The following SMG1 variants were observed in gnomAD, a reference collection of about 807,000 sequenced individuals.
SMG1 encodes the protein serine/threonine-protein kinase SMG1.
A neutral mutation model predicts 419.9 loss-of-function variants in SMG1; 22 were observed. The observed-to-expected ratio is 0.05, with a 90% CI of 0.04 to 0.07. SMG1 has a LOEUF of 0.07. Among genes scored for constraint, SMG1 ranks in the 10% least tolerant of loss-of-function variants. SMG1 has a pLI of 1.00. For missense variants in SMG1, 3,185 were observed against 4,342.0 expected (o/e 0.73, Z 7.49); for synonymous variants, 1,538 against 1,553.5 (o/e 0.99, Z 0.23).
rs1007528333 is a variant in SMG1, at chr16:18,808,378, CTAAGTG to C, written c.*1185_*1190del. The C allele has an allele frequency of 5.3e-5, 8 of 152,002 alleles. No homozygotes were observed. The highest frequency in any genetic ancestry group is 3.3e-4 in the Admixed American group (5 of 15,264). 9.4% of individuals were successfully genotyped at this position (152,002 alleles called of 1,614,324 possible). ...AGTAAATTAAACAACTTTTAATTTA[CTAAGTG>C]TAAATTAAAAGTATCAAATGAAAAA... On this transcript the variant is annotated 3_prime_UTR_variant, in exon 63 of 63. Transcript: ENST00000446231.
At chr16:18,917,434 C>T (rs1230329361) in intron 1 of SMG1, among the ~76,000 whole-genome samples, 1 of 151,942 alleles carries the variant, frequency 6.6e-6, no homozygotes, top group Admixed American at 6.6e-5. Flanking sequence ...CAGGTATGAG[C>T]CACCATACAT....
At chr16:18,829,239 A>G (rs774031887) in intron 54 of SMG1, 47 bp downstream of exon 54, 3 of 1,469,304 alleles carry the variant, frequency 2.0e-6, no homozygotes, top group Non-Finnish European at 1.8e-6. Flanking sequence ...CCCATTTTTC[A>G]AGTTTCCTAC....
chr16:18,871,342 A>AG, intron 16 of SMG1, 22 bp downstream of exon 16: 3 of 1,248,300 alleles, frequency 2.4e-6, no homozygotes, highest in South Asian at 1.4e-5. Context: ...AAATAGAAAA[A>AG]AAAAAAAAAA....
chr16:18,877,340 T>C (rs2036182637), intron 11 of SMG1, 108 bp from the exon 12 acceptor site: 3 of 740,268 alleles, frequency 4.1e-6, no homozygotes, highest in Admixed American at 5.6e-5. Context: ...AAAGGCTACA[T>C]ACTATATGAC....
At chr16:18,828,238 G>C in intron 54 of SMG1, 70 bp from the exon 55 acceptor site, 110 of 1,469,772 alleles carry the variant, frequency 7.5e-5, no homozygotes, top group Non-Finnish European at 9.7e-5. Context: ...GGGAAGGGAG[G>C]CGCAACCTAG....
At chr16:18,866,927 A>G (rs968464411) in intron 22 of SMG1, among the ~76,000 whole-genome samples, 152 bp from the exon 23 acceptor site, 20 of 152,178 alleles carry the variant, frequency 1.3e-4, no homozygotes, top group African/African-American at 4.6e-4. Context: ...AGAATTCTTT[A>G]AAATGTTACA....
At chr16:18,908,089 G>A (rs2037641546) in intron 1 of SMG1, among the ~76,000 whole-genome samples, 1 of 152,004 alleles carries the variant, frequency 6.6e-6, no homozygotes, top group Non-Finnish European at 1.5e-5. Context: ...ACATAGGCCA[G>A]GCGCAGTTGA....
intron 62 of SMG1, among the ~76,000 whole-genome samples, chr16:18,810,467 G>T (rs2031279603): frequency 6.6e-6 from 1 of 152,180 alleles, no homozygotes; most frequent in African/African-American, 2.4e-5. Context: ...AGTAGGACAA[G>T]GATGGACAGT....
rs773568225 is a variant in SMG1, at chr16:18,829,745, T to C, written c.9144A>G (p.Ser3048=). ...TFSKTLSGSS[S]LEDQNTVNGP... ...CATTCACAGTATTCTGATCTTCAAGTGAACTTGATCCTACAAAAAGGAAAA... is the reference window on the plus strand; with the variant it reads ...CATTCACAGTATTCTGATCTTCAAGCGAACTTGATCCTACAAAAAGGAAAA... The change falls in exon 54 of 63, where the codon TCA becomes TCG. Residue 3048 remains serine (S), a synonymous_variant. Coordinates refer to ENST00000446231, the MANE Select transcript of SMG1 (RefSeq NM_015092.5). 11 of 1,595,760 alleles carry C rather than the reference T, an allele frequency of 6.9e-6. No individual in the cohort carries two copies. The African/African-American group carries it at 1.5e-4, about 21-fold the overall frequency.
intron 18 of SMG1, among the ~76,000 whole-genome samples, chr16:18,870,400 T>C (rs558464307): frequency 5.9e-5 from 9 of 152,352 alleles, no homozygotes; most frequent in African/African-American, 1.9e-4. Context: ...ATACTAATTA[T>C]TGTGAGCCTA....
At chr16:18,887,762 T>TAAAAAAAA (rs57393561) in intron 6 of SMG1, among the ~76,000 whole-genome samples, 2 of 38,294 alleles carry the variant, frequency 5.2e-5, no homozygotes, top group Non-Finnish European at 8.4e-5. Context: ...TCAAAAACAG[T>TAAAAAAAA]AAAAAAAAAA....
At chr16:18,887,400 C>A (rs1440999965) in intron 6 of SMG1, among the ~76,000 whole-genome samples, 1 of 151,696 alleles carries the variant, frequency 6.6e-6, no homozygotes, top group East Asian at 1.9e-4. Flanking sequence ...AGTGCAGTAG[C>A]TTGACCATAG....
Position 18,926,177 on chromosome 16 carries a change from GAGGAGA to G in SMG1, c.-142_-137del, listed in dbSNP as rs1316356664. ...CGAGAAGGAGGAGGAGGAGGAGGAG[GAGGAGA>G]AGGAGGAGGCGGCGGAGGGCGGGGG... is the stretch of plus-strand genomic sequence containing the variant. On this transcript the variant is annotated 5_prime_UTR_variant, in exon 1 of 63. Transcript: ENST00000446231. The G allele has an allele frequency of 1.5e-5, 11 of 725,122 alleles. No individual in the cohort carries two copies. The highest frequency in any genetic ancestry group is 1.2e-4 in the African/African-American group (6 of 52,138). 44.9% of individuals were successfully genotyped at this position (725,122 alleles called of 1,614,324 possible).
intron 11 of SMG1, chr16:18,879,185 A>G: frequency 5.1e-6 from 2 of 392,986 alleles, no homozygotes; most frequent in Non-Finnish European, 9.7e-6. Context: ...GCACAATCAG[A>G]GCTCTCTTCA....
intron 29 of SMG1, chr16:18,856,317 C>T (rs1339595864): frequency 1.3e-5 from 2 of 149,914 alleles, no homozygotes; most frequent in African/African-American, 4.9e-5. Flanking sequence ...CACATGCCAC[C>T]ACACCCAGGT....
At chr16:18,870,404 G>A (rs1335389661) in intron 18 of SMG1, among the ~76,000 whole-genome samples, 2 of 152,140 alleles carry the variant, frequency 1.3e-5, no homozygotes, top group Non-Finnish European at 2.9e-5. Flanking sequence ...TAATTATTGT[G>A]AGCCTATAAA....
chr16:18,836,330 C>T (rs373203415), intron 47 of SMG1, 30 bp downstream of exon 47: 5 of 1,605,494 alleles, frequency 3.1e-6, no homozygotes, highest in Non-Finnish European at 4.3e-6. Flanking sequence ...CATAGTTTCA[C>T]ATGTGAATCT....
chr16:18,836,489 G>T lies in SMG1; in HGVS notation c.7648C>A (p.Gln2550Lys). The change falls in exon 47 of 63, where the codon CAG becomes AAG. Residue 2550 changes from glutamine to lysine, a missense_variant. Physicochemically the swap from Gln to Lys is moderately conservative, Grantham distance 53 (BLOSUM62 1). This residue lies in a region of SMG1 where 412 missense variants were observed against 546.6 expected (regional missense o/e 0.75). Coordinates refer to ENST00000446231, the MANE Select transcript of SMG1 (RefSeq NM_015092.5). ...TQLQTQQRAVQEAIQVKLNEF... is the reference protein window; with the variant it reads ...TQLQTQQRAVKEAIQVKLNEF... ...TTCAGCTTCACCTGGATTGCTTCCT[G>T]AACAGCTCTTTGCTGAGTCTGTAGT... is the stretch of plus-strand genomic sequence containing the variant. 1 of 1,613,998 alleles carries T rather than the reference G, an allele frequency of 6.2e-7. No homozygotes were observed. The highest frequency in any genetic ancestry group is 8.5e-7 in the Non-Finnish European group (1 of 1,179,894).
chr16:18,844,591 C>T (rs1249508785), intron 39 of SMG1, among the ~76,000 whole-genome samples: 1 of 147,796 alleles, frequency 6.8e-6, no homozygotes, highest in Non-Finnish European at 1.5e-5. Context: ...CACGGAAACT[C>T]GAGTTTTGGC....
Sources: gnomAD v4.1 joint callset for allele counts (sites outside exome capture counted in the v4.1 genomes callset) on GRCh38, gnomAD v4.1.1 for gene constraint, gnomAD v4.1.1 regional missense constraint, MANE v1.5 for transcripts, NCBI Gene and HGNC (gene_info 2026-07-23, HGNC 2026-07-21) for gene names.